Variants in PGCKA1 observed in about 807,000 individuals in gnomAD.
The protein encoded by PGCKA1 is PDCD10 and GCKIII kinases-associated protein 1.
the PGCKA1 span, among the ~76,000 whole-genome samples, chr4:37,533,569 C>A: frequency 6.6e-6 from 1 of 152,130 alleles, no homozygotes; most frequent in African/African-American, 2.4e-5. Context: ...CTTTGACCTG[C>A]AAAATTCCAA....
chr4:37,551,564 G>A, the PGCKA1 span, among the ~76,000 whole-genome samples: 1 of 152,206 alleles, frequency 6.6e-6, no homozygotes, highest in Non-Finnish European at 1.5e-5. Flanking sequence ...CTTGCTAGCA[G>A]CTGAAAGAGA....
the PGCKA1 span, among the ~76,000 whole-genome samples, chr4:37,584,873 C>A: frequency 6.6e-6 from 1 of 151,968 alleles, no homozygotes; most frequent in Admixed American, 6.6e-5. Flanking sequence ...CTCTTGAATT[C>A]ACCATCATAA....
At chr4:37,545,487 T>G in the PGCKA1 span, among the ~76,000 whole-genome samples, 1 of 152,324 alleles carries the variant, frequency 6.6e-6, no homozygotes, top group South Asian at 2.1e-4. Flanking sequence ...AAACTATTCT[T>G]ATTTTAGTCC....
the PGCKA1 span, among the ~76,000 whole-genome samples, chr4:37,482,456 A>G: frequency 6.6e-6 from 1 of 152,318 alleles, no homozygotes; most frequent in Admixed American, 6.5e-5. Flanking sequence ...GACCTGTGGA[A>G]CTTTGAACTT....
At chr4:37,502,108 G>A in the PGCKA1 span, among the ~76,000 whole-genome samples, 2 of 152,168 alleles carry the variant, frequency 1.3e-5, no homozygotes, top group Non-Finnish European at 2.9e-5. Flanking sequence ...GAGACAAGGT[G>A]TGCTTGGACC....
chr4:37,539,579 G>C, the PGCKA1 span, among the ~76,000 whole-genome samples: 1 of 152,186 alleles, frequency 6.6e-6, no homozygotes, highest in Non-Finnish European at 1.5e-5. Flanking sequence ...GCTTGAACCT[G>C]GGAGGCAGAG....
chr4:37,544,211 C>G, the PGCKA1 span, among the ~76,000 whole-genome samples: 1 of 152,124 alleles, frequency 6.6e-6, no homozygotes, highest in Non-Finnish European at 1.5e-5. Context: ...CATGCTGATG[C>G]CCAGCTCTTT....
At chr4:37,492,276 C>T in the PGCKA1 span, among the ~76,000 whole-genome samples, 13 of 152,194 alleles carry the variant, frequency 8.5e-5, no homozygotes, top group East Asian at 2.3e-3. The surrounding 1 kb of genome is among the most constrained non-coding windows in gnomAD (Gnocchi z 4.7). Flanking sequence ...TTTTGGCTTT[C>T]CCCGGCTACC....
At chr4:37,524,963 C>T in the PGCKA1 span, among the ~76,000 whole-genome samples, 12 of 152,274 alleles carry the variant, frequency 7.9e-5, no homozygotes, top group East Asian at 7.7e-4. Context: ...GCTTCTCTGA[C>T]GATTCAGGGT....
At chr4:37,509,726 C>G in the PGCKA1 span, among the ~76,000 whole-genome samples, 1 of 151,344 alleles carries the variant, frequency 6.6e-6, no homozygotes, top group African/African-American at 2.4e-5. Flanking sequence ...TTCGCGAGGC[C>G]GAGGCTGGCA....
chr4:37,581,586 A>G, the PGCKA1 span, among the ~76,000 whole-genome samples: 1 of 152,066 alleles, frequency 6.6e-6, no homozygotes, highest in Non-Finnish European at 1.5e-5. The surrounding 1 kb of genome is among the most constrained non-coding windows in gnomAD (Gnocchi z 4.4). Flanking sequence ...CTGGTGCCCT[A>G]TGCTAATGTG....
At chr4:37,481,986 A>C in the PGCKA1 span, among the ~76,000 whole-genome samples, 40 of 152,146 alleles carry the variant, frequency 2.6e-4, no homozygotes, top group African/African-American at 9.4e-4. Context: ...CCATGTGAGG[A>C]AGGAAATGTT....
the PGCKA1 span, among the ~76,000 whole-genome samples, chr4:37,568,874 CTG>C: frequency 6.6e-6 from 1 of 152,118 alleles, no homozygotes; most frequent in African/African-American, 2.4e-5. Context: ...GATAAAGAAA[CTG>C]AGGACTCAAG....
the PGCKA1 span, among the ~76,000 whole-genome samples, chr4:37,513,666 C>G: frequency 1.3e-5 from 2 of 152,202 alleles, no homozygotes; most frequent in Non-Finnish European, 2.9e-5. Context: ...CATAAACATT[C>G]AGTCTATAAC....
chr4:37,517,340 A>G, the PGCKA1 span, among the ~76,000 whole-genome samples: 37 of 149,918 alleles, frequency 2.5e-4, no homozygotes, highest in African/African-American at 8.0e-4. Context: ...GCACCTGTGT[A>G]TATTTTTTTG....
the PGCKA1 span, among the ~76,000 whole-genome samples, chr4:37,463,359 G>C: frequency 2.8e-4 from 43 of 152,320 alleles, no homozygotes; most frequent in African/African-American, 9.9e-4. Context: ...ATAAAACAGA[G>C]TTAATTGGCT....
chr4:37,511,214 G>C, the PGCKA1 span, among the ~76,000 whole-genome samples: 1 of 152,028 alleles, frequency 6.6e-6, no homozygotes, highest in East Asian at 1.9e-4. Flanking sequence ...GACAGAGATG[G>C]TACCTAAGGT....
At chr4:37,479,890 A>C in the PGCKA1 span, among the ~76,000 whole-genome samples, 1 of 152,350 alleles carries the variant, frequency 6.6e-6, no homozygotes, top group Non-Finnish European at 1.5e-5. Flanking sequence ...AAGGCATCCA[A>C]TAGGCAGATC....
At chr4:37,463,101 A>T in the PGCKA1 span, among the ~76,000 whole-genome samples, 1 of 152,064 alleles carries the variant, frequency 6.6e-6, no homozygotes, top group African/African-American at 2.4e-5. Flanking sequence ...AGGATCTCCC[A>T]TAAGTTGGAG....
Sources: allele counts gnomAD v4.1 joint callset (sites outside exome capture counted in the v4.1 genomes callset), GRCh38; gene constraint gnomAD v4.1.1; non-coding constraint Gnocchi (gnomAD v3.1); transcripts MANE v1.5; gene names NCBI Gene and HGNC (gene_info 2026-07-23, HGNC 2026-07-21).